FRMD3: variants seen among roughly 807,000 people sequenced by gnomAD.
FRMD3 encodes the protein FERM domain containing 3, also known as FERM domain-containing protein 3.
Under a neutral mutation model 70.2 loss-of-function variants are expected in FRMD3, and 33 were observed. That is an observed-to-expected ratio of 0.47 (90% CI 0.36 to 0.63). The LOEUF (loss-of-function observed/expected upper bound fraction) is 0.63. Ranked by LOEUF, FRMD3 falls within the 20% of genes least tolerant of loss-of-function variation. The pLI is 0.00. For synonymous variants in FRMD3, 279 were observed against 255.9 expected, an observed-to-expected ratio of 1.09 and a Z score of -0.86; for missense variants, 632 against 711.4, an observed-to-expected ratio of 0.89 and a Z score of 1.27.
At chr9:83,380,623 A>G (rs938956656) in intron 2 of FRMD3, among the ~76,000 whole-genome samples, 2 of 152,178 alleles carry the variant, frequency 1.3e-5, no homozygotes, top group Non-Finnish European at 1.5e-5. Context: ...TGTGACTAAG[A>G]AGATTGATTT....
chr9:83,508,133 C>T (rs533084818), intron 1 of FRMD3, among the ~76,000 whole-genome samples: 9 of 152,218 alleles, frequency 5.9e-5, no homozygotes, highest in East Asian at 3.9e-4. Flanking sequence ...TAATGCTGAG[C>T]GCAAGAAGCC....
At chr9:83,294,645 T>C (rs1192450930) in intron 12 of FRMD3, among the ~76,000 whole-genome samples, 1 of 152,204 alleles carries the variant, frequency 6.6e-6, no homozygotes, top group Non-Finnish European at 1.5e-5. Flanking sequence ...TATTTGCAGA[T>C]GAGAAAACTG....
At chr9:83,368,353 A>G (rs930858923) in intron 3 of FRMD3, among the ~76,000 whole-genome samples, 2 of 151,566 alleles carry the variant, frequency 1.3e-5, no homozygotes, top group African/African-American at 4.9e-5. Context: ...TTTTTCTGAG[A>G]CAGAGTCTCA....
chr9:83,268,736 C>G (rs1833394462), intron 13 of FRMD3, among the ~76,000 whole-genome samples: 1 of 152,212 alleles, frequency 6.6e-6, no homozygotes, highest in Non-Finnish European at 1.5e-5. Context: ...TGCACTGTGG[C>G]TGAGGTGGGG....
intron 1 of FRMD3, among the ~76,000 whole-genome samples, chr9:83,400,063 T>C (rs903492128): frequency 6.6e-6 from 1 of 150,660 alleles, no homozygotes; most frequent in Non-Finnish European, 1.5e-5. Flanking sequence ...GAAAAAGGTA[T>C]GCAGATTGGG....
the FRMD3 span, among the ~76,000 whole-genome samples, chr9:83,558,924 A>G: frequency 1.3e-5 from 2 of 152,242 alleles, no homozygotes; most frequent in African/African-American, 4.8e-5. Context: ...CTGAATTACT[A>G]CAATCTCATG....
chr9:83,558,768 T>C, the FRMD3 span, among the ~76,000 whole-genome samples: 2 of 152,182 alleles, frequency 1.3e-5, no homozygotes, highest in Non-Finnish European at 2.9e-5. Flanking sequence ...GAGGTCAAAA[T>C]AGAAACATTA....
intron 1 of FRMD3, among the ~76,000 whole-genome samples, chr9:83,510,207 G>A (rs1829307638): frequency 6.6e-6 from 1 of 152,120 alleles, no homozygotes; most frequent in Non-Finnish European, 1.5e-5. Context: ...CTTCTCACCG[G>A]TTCAAATGTT....
intron 1 of FRMD3, among the ~76,000 whole-genome samples, chr9:83,480,952 T>A (rs1383795857): frequency 6.6e-6 from 1 of 152,116 alleles, no homozygotes. Flanking sequence ...AAAGTTAAGT[T>A]CCAAAAGATT....
At position 83,311,881 on chromosome 9, in the gene FRMD3, A is replaced by G. The variant is rs751229697; in HGVS notation, c.773+6T>C. On this transcript the variant is annotated splice_donor_region_variant and intron_variant, in intron 8 of 13. Transcript: ENST00000304195. ...TGGAAAGCCAGTTTTCCAAAGAGGC[A>G]CTTACCATTTTATCAAATGGATTCT... 6.3e-7 allele frequency: 1 copy of G among 1,591,380 alleles called. No individual in the cohort carries two copies. The highest frequency in any genetic ancestry group is 1.7e-5 in the Admixed American group (1 of 59,100).
intron 3 of FRMD3, among the ~76,000 whole-genome samples, chr9:83,359,789 G>A (rs545866315): frequency 1.6e-3 from 238 of 152,172 alleles, no homozygotes; most frequent in Non-Finnish European, 2.5e-3. Context: ...GCGACCCGTC[G>A]TAGAGACCAC....
chr9:83,251,011 G>A (rs1175385669), intron 13 of FRMD3, among the ~76,000 whole-genome samples: 1 of 152,204 alleles, frequency 6.6e-6, no homozygotes, highest in Non-Finnish European at 1.5e-5. Context: ...CCAAAAAGAG[G>A]TCAGACTGCT....
At chr9:83,576,518 T>C in the FRMD3 span, among the ~76,000 whole-genome samples, 1 of 152,270 alleles carries the variant, frequency 6.6e-6, no homozygotes, top group Non-Finnish European at 1.5e-5. Context: ...TGGTGTTTGT[T>C]GTACATATTA....
chr9:83,560,925 G>A, the FRMD3 span, among the ~76,000 whole-genome samples: 9 of 152,090 alleles, frequency 5.9e-5, no homozygotes, highest in African/African-American at 2.2e-4. Flanking sequence ...AGACCTAACT[G>A]CTCACCTTAG....
At chr9:83,510,651 G>C (rs192636368) in intron 1 of FRMD3, among the ~76,000 whole-genome samples, 1 of 152,128 alleles carries the variant, frequency 6.6e-6, no homozygotes, top group Admixed American at 6.5e-5. Flanking sequence ...AACTAACTGC[G>C]GTACGTCCAT....
chr9:83,410,908 C>T (rs900672206), intron 1 of FRMD3, among the ~76,000 whole-genome samples: 1 of 152,202 alleles, frequency 6.6e-6, no homozygotes, highest in Non-Finnish European at 1.5e-5. Flanking sequence ...GAGGCCAGGC[C>T]AGCTCAGAAG....
the FRMD3 span, among the ~76,000 whole-genome samples, chr9:83,558,297 T>C: frequency 2.0e-5 from 3 of 152,206 alleles, no homozygotes; most frequent in Admixed American, 1.3e-4. Context: ...CACGCACATG[T>C]GCATGTGTGC....
chr9:83,321,919 C>CT (rs1835817230), intron 6 of FRMD3, among the ~76,000 whole-genome samples: 1 of 152,116 alleles, frequency 6.6e-6, no homozygotes, highest in African/African-American at 2.4e-5. Context: ...TCACTTGAGT[C>CT]TTTATCTCAC....
the FRMD3 span, among the ~76,000 whole-genome samples, chr9:83,560,898 G>C: frequency 1.2e-4 from 18 of 152,110 alleles, no homozygotes; most frequent in Non-Finnish European, 1.0e-4. Context: ...AAAGATTCTT[G>C]CTCCCTAGAT....
Sources: allele counts gnomAD v4.1 joint callset (sites outside exome capture counted in the v4.1 genomes callset), GRCh38; gene constraint gnomAD v4.1.1; transcripts MANE v1.5; gene names NCBI Gene and HGNC (gene_info 2026-07-23, HGNC 2026-07-21).